NARF: variants seen among roughly 807,000 people sequenced by gnomAD.
NARF encodes iron-only hydrogenase-like protein 2.
Under a neutral mutation model 48.0 loss-of-function variants are expected in NARF, and 41 were observed. That is an observed-to-expected ratio of 0.85 (90% CI 0.66 to 1.11). The LOEUF is 1.11. NARF is among the 50% of genes least tolerant of loss of function. NARF has a pLI of 0.00. For synonymous variants in NARF, 215 were observed against 225.5 expected, an observed-to-expected ratio of 0.95 and a Z score of 0.42; for missense variants, 613 against 590.2, an observed-to-expected ratio of 1.04 and a Z score of -0.40.
chr17:82,472,426 G>A (rs981489221), intron 4 of NARF, 138 bp from the exon 5 acceptor site: 5 of 910,382 alleles, frequency 5.5e-6, no homozygotes, highest in Non-Finnish European at 7.8e-6. Context: ...GGAGGTTGCA[G>A]TGAGCCGAGA....
At chr17:82,468,692 C>G (rs1416612249) in intron 3 of NARF, 72 bp from the exon 4 acceptor site, 11 of 1,464,480 alleles carry the variant, frequency 7.5e-6, no homozygotes, top group Middle Eastern at 3.5e-4. Context: ...TTCTGAATTT[C>G]TCATTAAGGT....
intron 3 of NARF, among the ~76,000 whole-genome samples, chr17:82,465,672 A>T (rs2043547977): frequency 6.6e-6 from 1 of 152,044 alleles, no homozygotes; most frequent in African/African-American, 2.4e-5. Flanking sequence ...CCACCTCTGG[A>T]GGCTCCCTGT....
At chr17:82,485,406 G>A in intron 9 of NARF, 91 bp from the exon 10 acceptor site, 2 of 1,440,202 alleles carry the variant, frequency 1.4e-6, no homozygotes, top group Non-Finnish European at 9.5e-7. Context: ...GGGCAACAGA[G>A]CAAGACTCCG....
chr17:82,458,612 G>A (rs1211497420), upstream of NARF: 2 of 659,842 alleles, frequency 3.0e-6, no homozygotes, highest in East Asian at 3.5e-5. Flanking sequence ...AGCCGTAAGG[G>A]TGGGGAATCC....
intron 10 of NARF, among the ~76,000 whole-genome samples, chr17:82,487,465 T>C (rs1326864930): frequency 6.9e-6 from 1 of 143,980 alleles, no homozygotes; most frequent in African/African-American, 2.6e-5. Flanking sequence ...GCCTGACCAA[T>C]GGAGAGAGAC....
intron 9 of NARF, among the ~76,000 whole-genome samples, chr17:82,485,285 G>T (rs995213297): frequency 6.6e-5 from 10 of 152,094 alleles, no homozygotes; most frequent in African/African-American, 2.4e-4. Context: ...GCCGAGTGTG[G>T]TGGTGAGCGC....
chr17:82,470,884 C>T (rs755790985), intron 4 of NARF, among the ~76,000 whole-genome samples: 6 of 151,840 alleles, frequency 4.0e-5, no homozygotes, highest in Admixed American at 6.6e-5. Context: ...AAAATCAGGC[C>T]GGGTGTGGTG....
intron 6 of NARF, chr17:82,480,033 G>T: frequency 6.3e-6 from 1 of 159,834 alleles, no homozygotes; most frequent in East Asian, 1.8e-4. Flanking sequence ...CCGGCCTCCA[G>T]CAGCCTCTCA....
At chr17:82,482,183 G>C (rs1599851034) in intron 7 of NARF, 1 of 370,390 alleles carries the variant, frequency 2.7e-6, no homozygotes, top group Admixed American at 3.8e-5. Context: ...TGGTAGATGA[G>C]GCAGAGAGGT....
Position 82,488,207 on chromosome 17 carries a change from C to G in NARF, c.*50C>G, listed in dbSNP as rs368070141. 462 of 1,594,498 alleles carry G rather than the reference C, an allele frequency of 2.9e-4. No homozygotes were observed. The highest frequency in any genetic ancestry group is 3.8e-4 in the Non-Finnish European group (440 of 1,168,550). On this transcript the variant is annotated 3_prime_UTR_variant, in exon 11 of 11. Transcript: ENST00000309794. ...CTCTTGGGGCCAGAGCCAAGAGCCT[C>G]TCAGTAGAGGGAGGGGCTGCCCTGA... is the stretch of plus-strand genomic sequence containing the variant.
chr17:82,472,682 G>C lies in NARF; in HGVS notation c.504G>C (p.Leu168=), dbSNP rs755465551. ...AGGAGGAACGCACCCTGCCCATGCTGACCTCTGCCTGTCCTGGTGAGCCCC... is the reference window on the plus strand; with the variant it reads ...AGGAGGAACGCACCCTGCCCATGCTCACCTCTGCCTGTCCTGGTGAGCCCC... The part of the protein sequence containing the change: ...HSEEERTLPM[L]TSACPGWVRY... Residue 168 remains leucine (L), a synonymous_variant, in exon 5 of 11, where the codon CTG becomes CTC. Coordinates refer to ENST00000309794, the MANE Select transcript of NARF (RefSeq NM_012336.4). The C allele has an allele frequency of 1.2e-4, 200 of 1,613,238 alleles. No individual in the cohort carries two copies. The highest frequency in any genetic ancestry group is 1.6e-4 in the Non-Finnish European group (193 of 1,179,784).
chr17:82,481,362 G>A (rs1469162072), intron 7 of NARF, 151 bp downstream of exon 7: 3 of 1,148,360 alleles, frequency 2.6e-6, no homozygotes, highest in Non-Finnish European at 3.6e-6. Context: ...AGGGTCCTAG[G>A]GGCTTAACTG....
At chr17:82,458,949 C>T in intron 1 of NARF, 119 bp downstream of exon 1, 1 of 1,226,058 alleles carries the variant, frequency 8.2e-7, no homozygotes, top group Non-Finnish European at 1.0e-6. Flanking sequence ...AAGGCGCCCC[C>T]GGCCTCGGCA....
chr17:82,469,085 C>CT (rs1738049886), intron 4 of NARF, among the ~76,000 whole-genome samples, 189 bp downstream of exon 4: 1 of 152,202 alleles, frequency 6.6e-6, no homozygotes, highest in Non-Finnish European at 1.5e-5. Context: ...ACGAGTGTCA[C>CT]TTTTCTCCTT....
chr17:82,467,416 A>AT (rs575176706), intron 3 of NARF, among the ~76,000 whole-genome samples: 3 of 152,246 alleles, frequency 2.0e-5, no homozygotes, highest in Non-Finnish European at 4.4e-5. Flanking sequence ...TTTATGCAGT[A>AT]TTTTTTTAGA....
intron 7 of NARF, 107 bp downstream of exon 7, chr17:82,481,318 A>C (rs373103910): frequency 5.3e-6 from 8 of 1,518,276 alleles, no homozygotes; most frequent in Admixed American, 3.8e-5. Context: ...AGTGCCTGCC[A>C]ATGTGGTCGC....
At chr17:82,466,843 A>T (rs1162434839) in intron 3 of NARF, among the ~76,000 whole-genome samples, 1 of 150,550 alleles carries the variant, frequency 6.6e-6, no homozygotes, top group Non-Finnish European at 1.5e-5. Flanking sequence ...TACCTCTCTT[A>T]TATATTGATA....
chr17:82,472,497 AAG>A, intron 4 of NARF, 65 bp from the exon 5 acceptor site: 1 of 1,495,652 alleles, frequency 6.7e-7, no homozygotes, highest in Non-Finnish European at 8.9e-7. Flanking sequence ...AAAAAAAAAA[AAG>A]AGGAAGCCTA....
chr17:82,466,641 T>C (rs534013620), intron 3 of NARF, among the ~76,000 whole-genome samples: 1 of 152,066 alleles, frequency 6.6e-6, no homozygotes, highest in African/African-American at 2.4e-5. Context: ...TTAGTAGAGA[T>C]GGGGTTTCAT....
Sources: allele counts gnomAD v4.1 joint callset (sites outside exome capture counted in the v4.1 genomes callset), GRCh38; gene constraint gnomAD v4.1.1; transcripts MANE v1.5; gene names NCBI Gene and HGNC (gene_info 2026-07-23, HGNC 2026-07-21).